Variants in CACNA2D1 observed in about 807,000 individuals in gnomAD.
CACNA2D1 encodes voltage-dependent calcium channel subunit alpha-2/delta-1.
A neutral mutation model predicts 171.5 loss-of-function variants in CACNA2D1; 53 were observed. The ratio of observed to expected loss-of-function variants is 0.31; its 90% CI spans 0.25 to 0.39. The LOEUF is 0.39. Among genes scored for constraint, CACNA2D1 ranks in the 10% least tolerant of loss-of-function variants. CACNA2D1 has a pLI of 1.00. For missense variants in CACNA2D1, 903 were observed against 1,299.8 expected, an observed-to-expected ratio of 0.69 and a Z score of 4.69; for synonymous variants, 442 against 443.1, an observed-to-expected ratio of 1.00 and a Z score of 0.03.
At chr7:82,176,923 A>AT (rs201476598) in intron 3 of CACNA2D1, among the ~76,000 whole-genome samples, 2,406 of 151,996 alleles carry the variant, frequency 0.016, 71 homozygotes, top group African/African-American at 0.055. Flanking sequence ...TGCTTTATTC[A>AT]TTTTACTTTA....
chr7:82,054,244 T>C (rs1805543607), intron 10 of CACNA2D1, among the ~76,000 whole-genome samples: 1 of 152,188 alleles, frequency 6.6e-6, no homozygotes, highest in African/African-American at 2.4e-5. Flanking sequence ...CATTATTCAG[T>C]TTCTAATCAA....
intron 4 of CACNA2D1, among the ~76,000 whole-genome samples, chr7:82,146,075 C>T (rs180870570): frequency 8.6e-5 from 13 of 151,644 alleles, no homozygotes; most frequent in African/African-American, 2.2e-4. Context: ...ATAAGTTGTC[C>T]GGCATATTAA....
chr7:81,990,032 C>T (rs544609425), intron 21 of CACNA2D1, among the ~76,000 whole-genome samples: 148 of 152,206 alleles, frequency 9.7e-4, no homozygotes, highest in Non-Finnish European at 1.9e-3. Flanking sequence ...AGACTTGACA[C>T]TGTAAGAGCT....
intron 7 of CACNA2D1, among the ~76,000 whole-genome samples, chr7:82,074,482 C>T (rs2128996712): frequency 6.6e-6 from 1 of 152,274 alleles, no homozygotes; most frequent in East Asian, 1.9e-4. Context: ...CCCTCCTTGG[C>T]CTCCTAAACT....
intron 3 of CACNA2D1, among the ~76,000 whole-genome samples, chr7:82,216,996 T>C (rs1356652742): frequency 6.6e-6 from 1 of 152,022 alleles, no homozygotes; most frequent in African/African-American, 2.4e-5. Flanking sequence ...ATTCTTTTTA[T>C]GTCAAACCAG....
At chr7:82,370,629 A>C (rs188062055) in intron 1 of CACNA2D1, among the ~76,000 whole-genome samples, 197 of 152,238 alleles carry the variant, frequency 1.3e-3, no homozygotes, top group African/African-American at 4.4e-3. Flanking sequence ...ATAAGTAGAT[A>C]CACATACTCT....
chr7:82,369,407 A>T (rs61602569), intron 1 of CACNA2D1, among the ~76,000 whole-genome samples: 2 of 151,654 alleles, frequency 1.3e-5, no homozygotes, highest in African/African-American at 4.8e-5. Flanking sequence ...CTAACTGGTC[A>T]ATCTGATCTG....
intron 4 of CACNA2D1, among the ~76,000 whole-genome samples, chr7:82,150,968 C>A (rs1793796207): frequency 6.6e-6 from 1 of 152,080 alleles, no homozygotes. Context: ...GTTTTAGTAA[C>A]TGTATTTAAG....
chr7:82,224,856 T>A (rs962831376), intron 3 of CACNA2D1, among the ~76,000 whole-genome samples: 1 of 152,166 alleles, frequency 6.6e-6, no homozygotes, highest in African/African-American at 2.4e-5. Context: ...TAAGTTGGAA[T>A]GCCCCACTGT....
chr7:81,969,439 A>T (rs1380819425), intron 28 of CACNA2D1, among the ~76,000 whole-genome samples: 3 of 151,382 alleles, frequency 2.0e-5, no homozygotes, highest in Non-Finnish European at 4.4e-5. Flanking sequence ...ATGTTCAGGG[A>T]TTAAATTACA....
intron 1 of CACNA2D1, among the ~76,000 whole-genome samples, chr7:82,438,919 T>C (rs1388189093): frequency 6.6e-6 from 1 of 152,188 alleles, no homozygotes; most frequent in African/African-American, 2.4e-5. Context: ...GAAATTCTGA[T>C]TTTTTTCCCA....
chr7:81,985,463 C>T lies in CACNA2D1; in HGVS notation c.1797-752G>A, dbSNP rs1419941083. ...AAGTGCTGGTGTTACAGGCATGAGCCTCCACGCCTGGCCATTATCATTACT... is the reference window on the plus strand; with the variant it reads ...AAGTGCTGGTGTTACAGGCATGAGCTTCCACGCCTGGCCATTATCATTACT... On this transcript the variant is annotated intron_variant, in intron 21 of 38. Transcript: ENST00000356860. Among the ~76,000 whole-genome samples the T allele has an allele frequency of 4.6e-5, 7 of 152,050 alleles. No individual in the cohort carries two copies. In the East Asian group the frequency reaches 1.4e-3, roughly 29 times the overall value.
intron 9 of CACNA2D1, among the ~76,000 whole-genome samples, chr7:82,061,688 G>A (rs1293324064): frequency 6.6e-6 from 1 of 152,176 alleles, no homozygotes; most frequent in African/African-American, 2.4e-5. Context: ...AGGAGATGGT[G>A]TTATTACTCA....
chr7:82,300,723 C>A (rs1412576323), intron 3 of CACNA2D1, among the ~76,000 whole-genome samples: 1 of 151,942 alleles, frequency 6.6e-6, no homozygotes, highest in Non-Finnish European at 1.5e-5. Flanking sequence ...ATTCAGAATA[C>A]TGAGAATTCA....
At chr7:82,252,100 T>C (rs1231749444) in intron 3 of CACNA2D1, among the ~76,000 whole-genome samples, 1 of 152,212 alleles carries the variant, frequency 6.6e-6, no homozygotes, top group African/African-American at 2.4e-5. Flanking sequence ...CATCCTACCC[T>C]ATTCTTCTTG....
At chr7:82,277,784 C>T (rs1298432753) in intron 3 of CACNA2D1, among the ~76,000 whole-genome samples, 5 of 144,688 alleles carry the variant, frequency 3.5e-5, no homozygotes, top group African/African-American at 1.3e-4. Flanking sequence ...CTCGCCCTGT[C>T]GCTCAGGCTG....
intron 3 of CACNA2D1, among the ~76,000 whole-genome samples, chr7:82,322,451 C>CATA (rs1735132592): frequency 9.6e-6 from 1 of 103,926 alleles, no homozygotes; most frequent in South Asian, 3.5e-4. Flanking sequence ...CCTGGCTTTA[C>CATA]AAAAAAAAAA....
At chr7:82,245,927 C>T (rs984100929) in intron 3 of CACNA2D1, among the ~76,000 whole-genome samples, 1 of 151,946 alleles carries the variant, frequency 6.6e-6, no homozygotes, top group Non-Finnish European at 1.5e-5. Flanking sequence ...TTCTATATGA[C>T]TTCATAGTTA....
chr7:82,293,479 T>C lies in CACNA2D1; in HGVS notation c.294+41656A>G, dbSNP rs1382385255. Reference sequence around the variant, plus strand: ...TGTTCAGTTGGTGACCTGGCCATTTTGTTTGCAAATCCCAAAATGTCAGTC... The same window carrying C: ...TGTTCAGTTGGTGACCTGGCCATTTCGTTTGCAAATCCCAAAATGTCAGTC... On this transcript the variant is annotated intron_variant, in intron 3 of 38. Coordinates refer to ENST00000356860, the MANE Select transcript of CACNA2D1 (RefSeq NM_000722.4). Among the ~76,000 whole-genome samples the C allele has an allele frequency of 2.6e-5, 4 of 152,222 alleles. No individual in the cohort carries two copies. In the South Asian group the frequency reaches 8.3e-4, roughly 31 times the overall value.
Sources: gnomAD v4.1 joint callset for allele counts (sites outside exome capture counted in the v4.1 genomes callset) on GRCh38, gnomAD v4.1.1 for gene constraint, MANE v1.5 for transcripts, NCBI Gene and HGNC (gene_info 2026-07-23, HGNC 2026-07-21) for gene names.